GCLC: variants seen among roughly 807,000 people sequenced by gnomAD.
The protein encoded by GCLC is glutamate-cysteine ligase catalytic subunit.
Under a neutral mutation model 81.5 loss-of-function variants are expected in GCLC, and 30 were observed. The ratio of observed to expected loss-of-function variants is 0.37; its 90% CI spans 0.28 to 0.50. GCLC has a LOEUF of 0.50. GCLC is among the 20% of genes least tolerant of loss of function. The probability of loss-of-function intolerance (pLI) is 0.96; values close to 1 mark genes in which losing one functional copy is unlikely to be tolerated. For missense variants in GCLC, 556 were observed against 777.4 expected (o/e 0.72, Z 3.39); for synonymous variants, 262 against 273.3 (o/e 0.96, Z 0.41).
At chr6:53,508,074 C>A (rs1269227288) in intron 8 of GCLC, among the ~76,000 whole-genome samples, 2 of 152,134 alleles carry the variant, frequency 1.3e-5, no homozygotes, top group African/African-American at 4.8e-5. Context: ...TTTAAAAACA[C>A]CCTTGTTCGG....
chr6:53,516,368 G>A (rs1270464389), intron 3 of GCLC, 146 bp from the exon 4 acceptor site: 2 of 662,304 alleles, frequency 3.0e-6, no homozygotes, highest in Admixed American at 4.2e-5. Context: ...CAGATGTTGT[G>A]TAAATACTGT....
At chr6:53,508,456 T>G in intron 8 of GCLC, 139 bp downstream of exon 8, 1 of 730,160 alleles carries the variant, frequency 1.4e-6, no homozygotes, top group East Asian at 2.5e-5. Flanking sequence ...CGATAAAAAT[T>G]AACTCCCCAC....
intron 12 of GCLC, chr6:53,503,095 C>A (rs1484973581): frequency 1.3e-5 from 2 of 152,148 alleles, no homozygotes; most frequent in African/African-American, 2.4e-5. Flanking sequence ...CCCATTGTGA[C>A]AGTATTAGAA....
At chr6:53,532,493 AAC>A (rs1186938375) in intron 1 of GCLC, among the ~76,000 whole-genome samples, 1 of 152,188 alleles carries the variant, frequency 6.6e-6, no homozygotes, top group Non-Finnish European at 1.5e-5. Context: ...GACACAACTT[AAC>A]ACACTGGCAG....
chr6:53,539,082 T>C (rs6926440), intron 1 of GCLC, among the ~76,000 whole-genome samples: 7,020 of 152,290 alleles, frequency 0.046, 519 homozygotes, highest in African/African-American at 0.16. Flanking sequence ...GTCATATTTG[T>C]TACATTTACA....
chr6:53,507,764 G>GT (rs1764644700), intron 8 of GCLC, 146 bp from the exon 9 acceptor site: 3 of 404,414 alleles, frequency 7.4e-6, no homozygotes, highest in Admixed American at 4.1e-5. Context: ...GGAAAATTAT[G>GT]TTTTTTAAAA....
At chr6:53,532,444 C>T (rs1432529436) in intron 1 of GCLC, among the ~76,000 whole-genome samples, 2 of 152,200 alleles carry the variant, frequency 1.3e-5, no homozygotes, top group Non-Finnish European at 2.9e-5. Flanking sequence ...CCAGTTCTTG[C>T]TCTATTTGAG....
intron 6 of GCLC, among the ~76,000 whole-genome samples, chr6:53,511,829 C>CAT (rs1190677928): frequency 1.7e-5 from 2 of 118,830 alleles, no homozygotes; most frequent in Non-Finnish European, 3.2e-5. Context: ...AACTAAGGAA[C>CAT]ATATATGTTA....
At chr6:53,508,561 C>G (rs755898671) in intron 8 of GCLC, 34 bp downstream of exon 8, 15 of 1,248,694 alleles carry the variant, frequency 1.2e-5, no homozygotes, top group Non-Finnish European at 1.8e-5. Context: ...ACCTGCTTGA[C>G]TTAAAAGGGC....
intron 1 of GCLC, among the ~76,000 whole-genome samples, chr6:53,541,952 C>T (rs1763363890): frequency 6.6e-6 from 1 of 152,174 alleles, no homozygotes; most frequent in Admixed American, 6.5e-5. Flanking sequence ...ACTGCAGCCT[C>T]AAACTCCCAG....
intron 1 of GCLC, chr6:53,523,820 C>T (rs988439386): frequency 6.6e-6 from 1 of 152,174 alleles, no homozygotes; most frequent in African/African-American, 2.4e-5. Context: ...CAGATTTAAA[C>T]AACAACAAAA....
At chr6:53,534,645 A>G (rs1350231763) in intron 1 of GCLC, among the ~76,000 whole-genome samples, 1 of 152,084 alleles carries the variant, frequency 6.6e-6, no homozygotes, top group Non-Finnish European at 1.5e-5. Flanking sequence ...CATGGGCAGG[A>G]AGGTGAAGAA....
chr6:53,523,276 A>G (rs1763029794), intron 1 of GCLC: 1 of 152,244 alleles, frequency 6.6e-6, no homozygotes, highest in African/African-American at 2.4e-5. Context: ...CTGAAGTTAC[A>G]AGCTTTCAAT....
intron 1 of GCLC, among the ~76,000 whole-genome samples, chr6:53,538,645 T>C (rs754136497): frequency 4.6e-5 from 7 of 152,184 alleles, no homozygotes; most frequent in Middle Eastern, 3.2e-3. Context: ...CATAGGCAAA[T>C]TGGAAGTTCA....
At chr6:53,515,362 A>C (rs545982190) in intron 4 of GCLC, among the ~76,000 whole-genome samples, 27 of 152,368 alleles carry the variant, frequency 1.8e-4, no homozygotes, top group Middle Eastern at 3.4e-3. Context: ...GTCATAATCT[A>C]TCTCTTCTTG....
chr6:53,510,824 T>C (rs17883485), intron 6 of GCLC, among the ~76,000 whole-genome samples: 56 of 152,338 alleles, frequency 3.7e-4, no homozygotes, highest in African/African-American at 1.3e-3. Context: ...ATGTGGAGAC[T>C]GTATTAACTA....
At chr6:53,539,620 T>A (rs1047918836) in intron 1 of GCLC, among the ~76,000 whole-genome samples, 1 of 151,874 alleles carries the variant, frequency 6.6e-6, no homozygotes, top group Non-Finnish European at 1.5e-5. Flanking sequence ...GTCTTTTTTT[T>A]AATCCAAGTC....
rs758727822 is a variant in GCLC, at chr6:53,516,132, T to C, written c.537A>G (p.Ala179=). 7 of 1,612,120 alleles carry C rather than the reference T, an allele frequency of 4.3e-6. No homozygotes were observed. The South Asian group carries it at 7.7e-5, about 18-fold the overall frequency. ...ASKSLFFPDE[A]INKHPRFSTL... ...ACCTGAAGCGAGGGTGCTTGTTTATTGCTTCATCTGGAAAGAAGAGGGACT... is the reference window on the plus strand; with the variant it reads ...ACCTGAAGCGAGGGTGCTTGTTTATCGCTTCATCTGGAAAGAAGAGGGACT... The change falls in exon 4 of 16, where the codon GCA becomes GCG. Residue 179 remains alanine (A), a synonymous_variant. Coordinates refer to ENST00000650454, the MANE Select transcript of GCLC (RefSeq NM_001498.4).
intron 1 of GCLC, among the ~76,000 whole-genome samples, chr6:53,538,204 A>C (rs1343262966): frequency 8.9e-5 from 12 of 134,132 alleles, no homozygotes; most frequent in Non-Finnish European, 4.6e-5. Flanking sequence ...GCCAAAGTGC[A>C]GTAGTGGCAT....
Sources: allele counts gnomAD v4.1 joint callset (sites outside exome capture counted in the v4.1 genomes callset), GRCh38; gene constraint gnomAD v4.1.1; transcripts MANE v1.5; gene names NCBI Gene and HGNC (gene_info 2026-07-23, HGNC 2026-07-21).